The following NEAT1 variants were observed in gnomAD, a reference collection of about 807,000 sequenced individuals.
NEAT1 encodes nuclear paraspeckle assembly transcript 1, also known as MENepsilon/beta.
At chr11:65,439,998 T>C (rs481335) in exon 1 of NEAT1, 22,782 of 152,184 alleles carry the variant, frequency 0.15, 2,015 homozygotes, top group South Asian at 0.3. Flanking sequence ...GGCTCATGCC[T>C]GTAGTCCCAG....
exon 1 of NEAT1, chr11:65,444,528 C>G (rs1238221464): frequency 2.0e-6 from 1 of 496,304 alleles, no homozygotes. Flanking sequence ...CAGGGGCCCT[C>G]CCTCCATGGC....
chr11:65,444,125 T>G, exon 1 of NEAT1: 1 of 235,096 alleles, frequency 4.3e-6, no homozygotes, highest in Non-Finnish European at 8.5e-6. Flanking sequence ...TGAGGGGAGA[T>G]GGACGTGTGA....
At chr11:65,432,533 A>C (rs1856621887) in exon 1 of NEAT1, 1 of 152,168 alleles carries the variant, frequency 6.6e-6, no homozygotes, top group Admixed American at 6.5e-5. Context: ...CTATGATTAC[A>C]ATGAACACTC....
chr11:65,444,426 G>T (rs1364920269), exon 1 of NEAT1: 1 of 471,732 alleles, frequency 2.1e-6, no homozygotes, highest in Non-Finnish European at 4.4e-6. Flanking sequence ...GTGTGTCCCT[G>T]AGCAGGTTAC....
At chr11:65,423,225 T>A (rs2134882978) in exon 1 of NEAT1, 1 of 152,744 alleles carries the variant, frequency 6.5e-6, no homozygotes, top group East Asian at 1.9e-4. Context: ...AGGCAGTGGG[T>A]GCAGGGCTGC....
chr11:65,440,788 A>G (rs1856706938), exon 1 of NEAT1: 1 of 147,744 alleles, frequency 6.8e-6, no homozygotes, highest in Non-Finnish European at 1.5e-5. Flanking sequence ...GGTTACAGTC[A>G]GCTGAGACCG....
At chr11:65,425,991 C>T (rs769197817) in exon 1 of NEAT1, 6 of 152,048 alleles carry the variant, frequency 3.9e-5, no homozygotes, top group Non-Finnish European at 5.9e-5. Flanking sequence ...AAACTATCAC[C>T]TAAAATCAGT....
At chr11:65,431,247 T>C (rs1856611611) in exon 1 of NEAT1, 1 of 152,184 alleles carries the variant, frequency 6.6e-6, no homozygotes. Flanking sequence ...CAAATAATAT[T>C]CTTATTTTAT....
At chr11:65,433,842 A>G (rs1019449889) in exon 1 of NEAT1, 1 of 151,700 alleles carries the variant, frequency 6.6e-6, no homozygotes, top group African/African-American at 2.4e-5. Context: ...CCTTCCACTT[A>G]TGTGGTCCCA....
chr11:65,441,662 C>T (rs1856715915), exon 1 of NEAT1: 1 of 152,060 alleles, frequency 6.6e-6, no homozygotes, highest in South Asian at 2.1e-4. Context: ...TTTAATAAGA[C>T]TTTCAAGAAA....
chr11:65,426,269 G>A (rs1856560518), exon 1 of NEAT1: 1 of 152,064 alleles, frequency 6.6e-6, no homozygotes, highest in Admixed American at 6.6e-5. Flanking sequence ...TGTTGACATG[G>A]TAGTTCAGTT....
exon 1 of NEAT1, chr11:65,434,094 A>AG (rs1280909712): frequency 6.6e-6 from 1 of 152,168 alleles, no homozygotes; most frequent in African/African-American, 2.4e-5. Context: ...GCCCTTGCCC[A>AG]GGGGATAGTT....
In NEAT1 at chr11:65,423,587, G is replaced by A. The variant is rs562365024; in HGVS notation, n.790G>A. The A allele has an allele frequency of 2.6e-5, 4 of 152,478 alleles. No individual in the cohort carries two copies. The East Asian group carries it at 5.8e-4, about 22-fold the overall frequency. 9.4% of individuals were successfully genotyped at this position (152,478 alleles called of 1,614,324 possible). On this transcript the variant is annotated non_coding_transcript_exon_variant, in exon 1 of 1. Coordinates refer to ENST00000501122, the Ensembl canonical transcript of NEAT1. ...GCGGGGACTGCGAGGCACGCTGCTC[G>A]GGTGTTGGGGACAACATTGACCAAC... is the stretch of plus-strand genomic sequence containing the variant.
At chr11:65,428,483 G>A (rs1362566166) in exon 1 of NEAT1, 1 of 152,184 alleles carries the variant, frequency 6.6e-6, no homozygotes, top group East Asian at 1.9e-4. Flanking sequence ...TGGAGGAAGT[G>A]TCATCCTCTG....
exon 1 of NEAT1, chr11:65,441,232 A>C (rs1856711348): frequency 6.6e-6 from 1 of 152,142 alleles, no homozygotes; most frequent in African/African-American, 2.4e-5. Flanking sequence ...CAAGTTCCCA[A>C]CCCTCTGCAC....
exon 1 of NEAT1, chr11:65,424,707 T>A (rs1222878736): frequency 6.6e-6 from 1 of 152,242 alleles, no homozygotes; most frequent in East Asian, 1.9e-4. Context: ...ATGGCAGGTC[T>A]AGTTTGGGCA....
chr11:65,426,370 G>A (rs1380693829), exon 1 of NEAT1: 1 of 152,140 alleles, frequency 6.6e-6, no homozygotes, highest in African/African-American at 2.4e-5. Flanking sequence ...GTAGTCTCGG[G>A]TATGCTGTTG....
chr11:65,428,074 C>A (rs187078525), exon 1 of NEAT1: 1 of 152,130 alleles, frequency 6.6e-6, no homozygotes, highest in African/African-American at 2.4e-5. Context: ...CAGGTGAGAT[C>A]GACAGGAGGT....
chr11:65,428,422 T>C (rs1414941006), exon 1 of NEAT1: 1 of 152,086 alleles, frequency 6.6e-6, no homozygotes, highest in African/African-American at 2.4e-5. Flanking sequence ...GCTGAGAGAT[T>C]CCAAGGACCC....
Sources: allele counts gnomAD v4.1 joint callset, GRCh38; gene constraint gnomAD v4.1.1; transcripts MANE v1.5; gene names NCBI Gene and HGNC (gene_info 2026-07-23, HGNC 2026-07-21).